FBXW4: variants seen among roughly 807,000 people sequenced by gnomAD.
The protein encoded by FBXW4 is F-box and WD repeat domain containing 4, also known as F-box/WD repeat-containing protein 4.
Under a neutral mutation model 61.8 loss-of-function variants are expected in FBXW4, and 40 were observed. The observed-to-expected ratio is 0.65, with a 90% CI of 0.50 to 0.84. FBXW4 has a LOEUF of 0.84. Ranked by LOEUF, FBXW4 falls within the 40% of genes least tolerant of loss-of-function variation. The probability of loss-of-function intolerance (pLI) is 0.00; values close to 1 mark genes in which losing one functional copy is unlikely to be tolerated. For missense variants in FBXW4, 672 were observed against 753.8 expected (o/e 0.89, Z 1.27); for synonymous variants, 311 against 313.8 (o/e 0.99, Z 0.10).
intron 1 of FBXW4, among the ~76,000 whole-genome samples, chr10:101,685,568 C>A (rs10883676): frequency 0.15 from 23,358 of 152,112 alleles, 2,079 homozygotes; most frequent in Middle Eastern, 0.22. Flanking sequence ...ATGAACTTTA[C>A]CTCAAAGGAT....
At position 101,694,894 on chromosome 10, in the gene FBXW4, G is replaced by A. The variant is rs1298205980; in HGVS notation, c.212C>T (p.Pro71Leu). 2.4e-6 allele frequency: 3 copies of A among 1,247,214 alleles called. No individual in the cohort carries two copies. The highest frequency in any genetic ancestry group is 4.2e-5 in the Admixed American group (1 of 23,670). The allele number at this position is 1,247,214 out of a possible 1,614,324, so 77.3% of individuals were successfully genotyped here. Residue 71 changes from proline to leucine, a missense_variant, in exon 1 of 9, where the codon CCG becomes CTG. Physicochemically the swap from Pro to Leu is moderately conservative, Grantham distance 98. This residue lies in a region of FBXW4 where 311 missense variants were observed against 301.1 expected (regional missense o/e 1.03). Coordinates refer to ENST00000331272, the MANE Select transcript of FBXW4 (RefSeq NM_022039.4). The surrounding 1 kb of genome is among the most constrained non-coding windows in gnomAD (Gnocchi z 6.0). ...TGCCCTCGCTCCCGCGTCAGCCCCC[G>A]GCCCGGCTGCCTCCTTCGCCGTCTG... is the stretch of plus-strand genomic sequence containing the variant. Reference protein sequence around the residue: ...GPQTAKEAAGPGADAGARACP... With the variant: ...GPQTAKEAAGLGADAGARACP...
chr10:101,624,413 ATTTC>A (rs1426405296), intron 6 of FBXW4, among the ~76,000 whole-genome samples: 5 of 152,238 alleles, frequency 3.3e-5, no homozygotes, highest in African/African-American at 1.2e-4. Flanking sequence ...CACCTTCAAA[ATTTC>A]TTTATTTTAG....
At chr10:101,634,979 C>T (rs1392653425) in intron 5 of FBXW4, among the ~76,000 whole-genome samples, 1 of 148,254 alleles carries the variant, frequency 6.7e-6, no homozygotes, top group African/African-American at 2.5e-5. Context: ...GTCTCCAACC[C>T]CCAGGCCACA....
At chr10:101,672,364 C>A (rs963095038) in intron 4 of FBXW4, among the ~76,000 whole-genome samples, 1 of 152,190 alleles carries the variant, frequency 6.6e-6, no homozygotes, top group Non-Finnish European at 1.5e-5. Flanking sequence ...GCCTTACTTT[C>A]TTTTATGCCT....
At chr10:101,684,870 A>G (rs2064518538) in intron 1 of FBXW4, among the ~76,000 whole-genome samples, 1 of 152,196 alleles carries the variant, frequency 6.6e-6, no homozygotes, top group African/African-American at 2.4e-5. Context: ...GAATAGCCCC[A>G]AAATTCAGAG....
intron 5 of FBXW4, among the ~76,000 whole-genome samples, chr10:101,632,281 C>T (rs1279062026): frequency 1.3e-5 from 2 of 152,104 alleles, no homozygotes; most frequent in Non-Finnish European, 2.9e-5. Flanking sequence ...CAAGTAGGTG[C>T]CTAGGTCAGG....
intron 5 of FBXW4, among the ~76,000 whole-genome samples, chr10:101,654,115 G>A (rs546183827): frequency 2.1e-4 from 3 of 14,336 alleles, no homozygotes; most frequent in South Asian, 9.3e-3. Flanking sequence ...GCGAGACTCC[G>A]TCTTAAAAAA....
At chr10:101,645,270 G>T (rs767014232) in intron 5 of FBXW4, among the ~76,000 whole-genome samples, 6 of 152,170 alleles carry the variant, frequency 3.9e-5, no homozygotes, top group Admixed American at 1.3e-4. Context: ...TCTTCTTTTT[G>T]GGGGGAAGCC....
At position 101,684,268 on chromosome 10, in the gene FBXW4, C is replaced by T. The variant is rs553100478; in HGVS notation, c.726-7832G>A. On this transcript the variant is annotated intron_variant, in intron 1 of 8. Transcript: ENST00000331272. ...CCTCCCAAGGAGCTGGGACTACAGG[C>T]GCCCGCCACCATGCCCGGCTACTTT... is the stretch of plus-strand genomic sequence containing the variant. Among the ~76,000 whole-genome samples, 318 of 152,372 alleles carry T rather than the reference C, an allele frequency of 2.1e-3. 2 individuals are homozygous for T. The highest frequency in any genetic ancestry group is 6.9e-3 in the African/African-American group (286 of 41,588).
chr10:101,635,768 G>A (rs924545124), intron 5 of FBXW4, among the ~76,000 whole-genome samples: 10 of 151,436 alleles, frequency 6.6e-5, no homozygotes, highest in African/African-American at 2.2e-4. Flanking sequence ...TTGAGCCCAG[G>A]AGGTCAAGGC....
Position 101,694,369 on chromosome 10 carries a change from G to C in FBXW4, c.725+12C>G, listed in dbSNP as rs2064648768. ...CTCGGGGCGGGGAGCGGGCGGGCGAGCGGACGCTTACAGGTCGGTGCCGAG... is the reference window on the plus strand; with the variant it reads ...CTCGGGGCGGGGAGCGGGCGGGCGACCGGACGCTTACAGGTCGGTGCCGAG... On this transcript the variant is annotated intron_variant, in intron 1 of 8. Transcript: ENST00000331272. This position sits in a 1 kb window ranked among gnomAD's most constrained non-coding sequence, Gnocchi z 6.0. The C allele has an allele frequency of 1.3e-5, 18 of 1,367,360 alleles. No homozygotes were observed. Among genetic ancestry groups the C allele is most frequent in the Non-Finnish European group, 1.7e-5 (18 of 1,068,630 alleles). The allele number at this position is 1,367,360 out of a possible 1,614,324, so 84.7% of individuals were successfully genotyped here. A position where few individuals can be genotyped will look rare whatever the true frequency, so the allele number is the denominator to read the frequency against.
At chr10:101,664,265 A>C (rs928603869) in intron 5 of FBXW4, among the ~76,000 whole-genome samples, 2 of 152,242 alleles carry the variant, frequency 1.3e-5, no homozygotes, top group Non-Finnish European at 2.9e-5. Flanking sequence ...TCCCAGCATC[A>C]GAGATAAATA....
rs2063810708 is a variant in FBXW4 at position 101,614,352 on chromosome 10, GGAA to G, written c.1302-1878_1302-1876del. 2.0e-5 allele frequency among the ~76,000 whole-genome samples: 3 copies of G among 152,334 alleles called. No individual in the cohort carries two copies. In the South Asian group the frequency reaches 6.2e-4, roughly 32 times the overall value. On this transcript the variant is annotated intron_variant, in intron 6 of 8. Transcript: ENST00000331272. ...CCCACCCTGGTCCCTGGGTTCAGAGGGAAGGAGAGCTGGGCACTCATGGGGCTG... is the reference window on the plus strand; with the variant it reads ...CCCACCCTGGTCCCTGGGTTCAGAGGGGAGAGCTGGGCACTCATGGGGCTG...
chr10:101,624,890 T>A, intron 5 of FBXW4, 80 bp from the exon 6 acceptor site: 2 of 1,460,312 alleles, frequency 1.4e-6, no homozygotes, highest in Non-Finnish European at 1.9e-6. Flanking sequence ...GGAAATGCCG[T>A]GCTCATTCCC....
intron 1 of FBXW4, among the ~76,000 whole-genome samples, chr10:101,680,914 T>C (rs2064467566): frequency 6.6e-6 from 1 of 152,210 alleles, no homozygotes; most frequent in African/African-American, 2.4e-5. Context: ...AGCCCGAAGG[T>C]CTGTCTGTGG....
chr10:101,682,501 T>A (rs1385966008), intron 1 of FBXW4, among the ~76,000 whole-genome samples: 5 of 152,236 alleles, frequency 3.3e-5, no homozygotes. Context: ...TTTACAGTTA[T>A]ATCTCTTCTC....
At chr10:101,641,675 C>T (rs145665006) in intron 5 of FBXW4, among the ~76,000 whole-genome samples, 12 of 151,260 alleles carry the variant, frequency 7.9e-5, no homozygotes, top group Non-Finnish European at 1.6e-4. Context: ...GTGTGTCCCC[C>T]CAAACCCTCT....
intron 5 of FBXW4, among the ~76,000 whole-genome samples, chr10:101,664,549 G>A (rs2064279249): frequency 6.6e-6 from 1 of 152,178 alleles, no homozygotes; most frequent in Admixed American, 6.5e-5. Flanking sequence ...GAGGGGAACT[G>A]AAGGTGGTCA....
chr10:101,680,927 G>C (rs1158298558), intron 1 of FBXW4, among the ~76,000 whole-genome samples: 2 of 152,202 alleles, frequency 1.3e-5, no homozygotes, highest in Non-Finnish European at 2.9e-5. Context: ...GTCTGTGGAG[G>C]AGAATAGTAT....
Sources: allele counts gnomAD v4.1 joint callset (sites outside exome capture counted in the v4.1 genomes callset), GRCh38; gene constraint gnomAD v4.1.1; regional missense constraint gnomAD v4.1.1; non-coding constraint Gnocchi (gnomAD v3.1); transcripts MANE v1.5; gene names NCBI Gene and HGNC (gene_info 2026-07-23, HGNC 2026-07-21).